POU6F2: variants seen among roughly 807,000 people sequenced by gnomAD.
POU6F2 encodes POU class 6 homeobox 2.
POU6F2 carries 31 observed loss-of-function variants against 71.3 expected under a neutral mutation model. That is an observed-to-expected ratio of 0.43 (90% confidence interval 0.33 to 0.59). POU6F2 has a LOEUF of 0.59. Ranked by LOEUF, POU6F2 falls within the 20% of genes least tolerant of loss-of-function variation. POU6F2 has a pLI of 0.04. For synonymous variants in POU6F2, 347 were observed against 355.7 expected (o/e 0.98, Z 0.27); for missense variants, 783 against 856.8 (o/e 0.91, Z 1.07).
intron 4 of POU6F2, among the ~76,000 whole-genome samples, chr7:39,253,648 G>A (rs756765199): frequency 3.9e-5 from 6 of 152,136 alleles, no homozygotes; most frequent in Non-Finnish European, 8.8e-5. Context: ...ATATTGAGAA[G>A]CTGAAGACCC....
At chr7:39,198,394 T>C (rs1434124044) in intron 2 of POU6F2, among the ~76,000 whole-genome samples, 1 of 152,234 alleles carries the variant, frequency 6.6e-6, no homozygotes. Flanking sequence ...TGGCTTTTCA[T>C]GTGTAGATGC....
At chr7:39,015,844 T>A (rs1245921817) in intron 1 of POU6F2, among the ~76,000 whole-genome samples, 1 of 52,676 alleles carries the variant, frequency 1.9e-5, no homozygotes, top group Non-Finnish European at 3.7e-5. Context: ...TATAATATAT[T>A]ATATATAGAT....
At chr7:39,155,136 G>A (rs1443331793) in intron 2 of POU6F2, among the ~76,000 whole-genome samples, 2 of 151,834 alleles carry the variant, frequency 1.3e-5, no homozygotes, top group Non-Finnish European at 2.9e-5. Context: ...TATCCAAGCA[G>A]GCAAAACAAG....
intron 2 of POU6F2, among the ~76,000 whole-genome samples, chr7:39,174,892 C>A (rs1793298033): frequency 6.6e-6 from 1 of 152,232 alleles, no homozygotes; most frequent in Non-Finnish European, 1.5e-5. Context: ...CCCCTGTGAT[C>A]TGGATTCCAC....
intron 1 of POU6F2, among the ~76,000 whole-genome samples, chr7:39,078,953 C>T (rs760125480): frequency 3.3e-5 from 5 of 152,084 alleles, no homozygotes; most frequent in Non-Finnish European, 7.4e-5. Flanking sequence ...CTGGGCAGTA[C>T]CCCACAGCAT....
chr7:39,187,559 G>T (rs1793567674), intron 2 of POU6F2, among the ~76,000 whole-genome samples: 1 of 152,238 alleles, frequency 6.6e-6, no homozygotes, highest in Non-Finnish European at 1.5e-5. Flanking sequence ...CGCTGAAGGG[G>T]CCGGGGGACA....
At chr7:39,057,622 A>G (rs906545303) in intron 1 of POU6F2, among the ~76,000 whole-genome samples, 17 of 152,010 alleles carry the variant, frequency 1.1e-4, no homozygotes, top group Non-Finnish European at 1.0e-4. Context: ...TATTTCTTCC[A>G]CTGCTGTATG....
intron 2 of POU6F2, among the ~76,000 whole-genome samples, chr7:39,179,183 C>G (rs1354524831): frequency 6.6e-6 from 1 of 152,114 alleles, no homozygotes; most frequent in Non-Finnish European, 1.5e-5. Context: ...GTCTTAAGTG[C>G]CGTGGAATGA....
At chr7:39,360,930 C>CA (rs1263330220) in intron 5 of POU6F2, among the ~76,000 whole-genome samples, 1 of 152,186 alleles carries the variant, frequency 6.6e-6, no homozygotes, top group African/African-American at 2.4e-5. Flanking sequence ...TTCTTCACTG[C>CA]AACCTGTTTT....
At chr7:39,134,795 G>A (rs1192780200) in intron 2 of POU6F2, among the ~76,000 whole-genome samples, 12 of 152,144 alleles carry the variant, frequency 7.9e-5, no homozygotes, top group Non-Finnish European at 1.6e-4. Flanking sequence ...TCTCTGTTCC[G>A]GAGATTCTGA....
At chr7:39,414,191 TA>T (rs1222180719) in intron 6 of POU6F2, among the ~76,000 whole-genome samples, 1 of 152,236 alleles carries the variant, frequency 6.6e-6, no homozygotes. Context: ...TCCACGTTTT[TA>T]AAAATGCGAA....
chr7:39,178,395 T>C (rs1793371715), intron 2 of POU6F2, among the ~76,000 whole-genome samples: 1 of 152,218 alleles, frequency 6.6e-6, no homozygotes, highest in Non-Finnish European at 1.5e-5. Context: ...CATTGAGTTT[T>C]ACATTCTATA....
intron 4 of POU6F2, among the ~76,000 whole-genome samples, chr7:39,228,261 C>A (rs1329168723): frequency 6.6e-6 from 1 of 152,132 alleles, no homozygotes; most frequent in African/African-American, 2.4e-5. Flanking sequence ...ATTTCTATCC[C>A]AATTTAATAT....
At chr7:38,978,440 A>G (rs1788233840) in intron 1 of POU6F2, among the ~76,000 whole-genome samples, 2 of 152,134 alleles carry the variant, frequency 1.3e-5, no homozygotes, top group African/African-American at 2.4e-5. Flanking sequence ...TATTTTTCTA[A>G]TGCTGTTCAA....
At chr7:39,019,150 A>G (rs1789623599) in intron 1 of POU6F2, among the ~76,000 whole-genome samples, 1 of 152,122 alleles carries the variant, frequency 6.6e-6, no homozygotes. Flanking sequence ...TAGATGGTAA[A>G]TTTTATGAGT....
intron 4 of POU6F2, among the ~76,000 whole-genome samples, chr7:39,218,350 G>T (rs1343349161): frequency 6.6e-6 from 1 of 151,762 alleles, no homozygotes; most frequent in African/African-American, 2.4e-5. Flanking sequence ...GACAGAGAGT[G>T]GGGGGGTTAT....
At chr7:39,231,943 G>A (rs1389372958) in intron 4 of POU6F2, among the ~76,000 whole-genome samples, 1 of 152,132 alleles carries the variant, frequency 6.6e-6, no homozygotes, top group African/African-American at 2.4e-5. Context: ...TAATCCCAGA[G>A]CCCCTGTCCA....
chr7:39,187,919 T>C (rs1254169571), intron 2 of POU6F2, among the ~76,000 whole-genome samples: 1 of 152,194 alleles, frequency 6.6e-6, no homozygotes, highest in Non-Finnish European at 1.5e-5. Context: ...CATATGAGTC[T>C]TTGATTTTAC....
intron 4 of POU6F2, among the ~76,000 whole-genome samples, chr7:39,237,720 C>T (rs189896496): frequency 1.5e-3 from 233 of 152,214 alleles, no homozygotes; most frequent in African/African-American, 5.1e-3. Flanking sequence ...CCTGTAAATA[C>T]GACTCAGCTA....
Sources: allele counts gnomAD v4.1 joint callset (sites outside exome capture counted in the v4.1 genomes callset), GRCh38; gene constraint gnomAD v4.1.1; transcripts MANE v1.5; gene names NCBI Gene and HGNC (gene_info 2026-07-23, HGNC 2026-07-21).